The following AFAP1 variants were observed in gnomAD, a reference collection of about 807,000 sequenced individuals.
AFAP1 encodes actin filament associated protein 1.
Under a neutral mutation model 93.9 loss-of-function variants are expected in AFAP1, and 75 were observed. That is an observed-to-expected ratio of 0.80 (90% confidence interval 0.66 to 0.97). The LOEUF is 0.97. Ranked by LOEUF, AFAP1 falls within the 50% of genes least tolerant of loss-of-function variation. AFAP1 has a pLI of 0.00. For synonymous variants in AFAP1, 517 were observed against 430.7 expected (o/e 1.20, Z -2.48); for missense variants, 1,201 against 1,050.8 (o/e 1.14, Z -1.98).
At chr4:7,919,006 G>GT (rs1553856054) in intron 1 of AFAP1, among the ~76,000 whole-genome samples, 117 of 82,756 alleles carry the variant, frequency 1.4e-3, no homozygotes, top group African/African-American at 2.2e-3. Context: ...AAACAGGGCT[G>GT]CGGATGAGAC....
intron 3 of AFAP1, among the ~76,000 whole-genome samples, chr4:7,856,462 G>T (rs62289317): frequency 0.32 from 47,871 of 151,878 alleles, 8,373 homozygotes; most frequent in Middle Eastern, 0.46. Flanking sequence ...GGATGGTCTC[G>T]AACTCCTGAC....
chr4:7,829,902 T>A (rs1721743474), intron 6 of AFAP1, among the ~76,000 whole-genome samples: 1 of 152,222 alleles, frequency 6.6e-6, no homozygotes, highest in African/African-American at 2.4e-5. Context: ...AAGTGTGAGA[T>A]GAGATAAGCA....
intron 15 of AFAP1, chr4:7,773,722 TG>T (rs1342213281): frequency 6.6e-6 from 1 of 152,490 alleles, no homozygotes; most frequent in African/African-American, 2.4e-5. Flanking sequence ...TCCCATTCTC[TG>T]GCACAGCCTC....
chr4:7,791,458 C>G (rs538150653), intron 11 of AFAP1, among the ~76,000 whole-genome samples: 1 of 152,156 alleles, frequency 6.6e-6, no homozygotes, highest in African/African-American at 2.4e-5. Context: ...CCAAATTGTT[C>G]TAATTAGTAA....
chr4:7,860,977 C>G (rs990658571), intron 3 of AFAP1, among the ~76,000 whole-genome samples: 1 of 152,234 alleles, frequency 6.6e-6, no homozygotes, highest in African/African-American at 2.4e-5. Context: ...TGCTGCTCCC[C>G]ACCTTCTTCC....
intron 12 of AFAP1, among the ~76,000 whole-genome samples, chr4:7,785,230 A>G (rs1717150249): frequency 6.6e-6 from 1 of 152,266 alleles, no homozygotes; most frequent in Middle Eastern, 3.4e-3. Flanking sequence ...CCAGCACTTG[A>G]TGAGGCCTGC....
chr4:7,899,722 G>A (rs894202319), intron 1 of AFAP1, among the ~76,000 whole-genome samples: 13 of 152,168 alleles, frequency 8.5e-5, no homozygotes, highest in African/African-American at 2.9e-4. Context: ...AGGAGCCGAG[G>A]TTAGACAGCA....
chr4:7,913,844 A>G (rs915399056), intron 1 of AFAP1, among the ~76,000 whole-genome samples: 2 of 152,238 alleles, frequency 1.3e-5, no homozygotes, highest in Non-Finnish European at 2.9e-5. Flanking sequence ...TGAAAAAGCT[A>G]GCTGCTTCAT....
At chr4:7,910,218 T>C (rs967838077) in intron 1 of AFAP1, among the ~76,000 whole-genome samples, 1 of 152,102 alleles carries the variant, frequency 6.6e-6, no homozygotes, top group African/African-American at 2.4e-5. Context: ...TCACATCCAC[T>C]GTCCTAACAG....
At chr4:7,855,614 C>T (rs1319712637) in intron 3 of AFAP1, 40 bp from the exon 4 acceptor site, 2 of 1,472,032 alleles carry the variant, frequency 1.4e-6, no homozygotes, top group East Asian at 4.5e-5. Flanking sequence ...ATTAGCATGA[C>T]CATTAGAAGG....
At chr4:7,908,744 G>A (rs1339217201) in intron 1 of AFAP1, among the ~76,000 whole-genome samples, 1 of 152,224 alleles carries the variant, frequency 6.6e-6, no homozygotes, top group African/African-American at 2.4e-5. Context: ...GCTAAGAAAA[G>A]GACAGGCTGC....
In AFAP1 at chr4:7,843,259, G is replaced by A. The variant is rs558308109; in HGVS notation, c.426C>T (p.Pro142=). The A allele has an allele frequency of 6.2e-7, 1 of 1,614,042 alleles. No individual in the cohort carries two copies. The highest frequency in any genetic ancestry group is 8.5e-7 in the Non-Finnish European group (1 of 1,180,028). Residue 142 remains proline, a synonymous_variant, in exon 5 of 18, where the codon CCC becomes CCT. Transcript: ENST00000420658. ...GKGKKTRHQW[P]SEEASMDLVK... is the part of the protein sequence containing the mutation. ...CCAGGTCCATGGAGGCCTCCTCGGA[G>A]GGCCACTGGTGCCGGGTTTTCTTCC... is the stretch of plus-strand genomic sequence containing the variant.
At position 7,781,592 on chromosome 4, in the gene AFAP1, G is replaced by A; in HGVS notation, c.1566C>T (p.Ser522=). 6.4e-7 allele frequency: 1 copy of A among 1,551,858 alleles called. No individual in the cohort carries two copies. Among genetic ancestry groups the A allele is most frequent in the Non-Finnish European group, 8.7e-7 (1 of 1,147,042 alleles). The change falls in exon 13 of 18, where the codon AGC becomes AGT. Residue 522 remains serine, a synonymous_variant. Coordinates refer to ENST00000420658, the MANE Select transcript of AFAP1 (RefSeq NM_001134647.2). ...EPEDGFPASC[S]RGLGEEVLYD... ...AAAGCACCTCTTCTCCCAAGCCTCTGCTGCAGGAAGCAGGAAAGCCGTCTT... is the reference window on the plus strand; with the variant it reads ...AAAGCACCTCTTCTCCCAAGCCTCTACTGCAGGAAGCAGGAAAGCCGTCTT...
At chr4:7,908,270 C>T (rs1346672095) in intron 1 of AFAP1, among the ~76,000 whole-genome samples, 3 of 152,070 alleles carry the variant, frequency 2.0e-5, no homozygotes, top group African/African-American at 7.2e-5. Flanking sequence ...TCCCAGAACA[C>T]AAGCCCTGCT....
intron 1 of AFAP1, among the ~76,000 whole-genome samples, chr4:7,892,054 CA>C (rs1487860739): frequency 6.6e-6 from 1 of 150,538 alleles, no homozygotes; most frequent in Admixed American, 6.6e-5. Context: ...AATTCCGACT[CA>C]AAAAAAGAAA....
At chr4:7,849,612 C>T (rs192539106) in intron 4 of AFAP1, among the ~76,000 whole-genome samples, 1 of 152,148 alleles carries the variant, frequency 6.6e-6, no homozygotes, top group African/African-American at 2.4e-5. Context: ...GCTGCTCTTT[C>T]AGGTCTCAAT....
At chr4:7,825,715 G>A (rs768876159) in intron 6 of AFAP1, among the ~76,000 whole-genome samples, 3 of 151,866 alleles carry the variant, frequency 2.0e-5, no homozygotes, top group Non-Finnish European at 2.9e-5. Flanking sequence ...AAAAAAAGTA[G>A]AAGCAAAATA....
In AFAP1 at chr4:7,762,574, T is replaced by C. The variant is rs888700722; in HGVS notation, c.*1191A>G. On this transcript the variant is annotated 3_prime_UTR_variant, in exon 18 of 18. Coordinates refer to ENST00000420658, the MANE Select transcript of AFAP1 (RefSeq NM_001134647.2). The stretch of plus-strand genomic sequence containing the variant: ...CTATGAACTCTGTTTTTTTCCTTTA[T>C]GCCTTAGGCATCCAAATTCTCCAAG... The C allele has an allele frequency of 6.6e-6, 1 of 152,236 alleles. No homozygotes were observed. Among genetic ancestry groups the C allele is most frequent in the African/African-American group, 2.4e-5 (1 of 41,460 alleles). 9.4% of individuals were successfully genotyped at this position (152,236 alleles called of 1,614,324 possible). A position where few individuals can be genotyped will look rare whatever the true frequency, so the allele number is the denominator to read the frequency against.
chr4:7,900,680 C>G (rs796487763), intron 1 of AFAP1, among the ~76,000 whole-genome samples: 42 of 152,308 alleles, frequency 2.8e-4, no homozygotes, highest in African/African-American at 9.6e-4. Context: ...TTGTAACCAA[C>G]AAGAAACTAT....
Sources: gnomAD v4.1 joint callset for allele counts (sites outside exome capture counted in the v4.1 genomes callset) on GRCh38, gnomAD v4.1.1 for gene constraint, MANE v1.5 for transcripts, NCBI Gene and HGNC (gene_info 2026-07-23, HGNC 2026-07-21) for gene names.